The following FBXL13 variants were observed in gnomAD, a reference collection of about 807,000 sequenced individuals.
FBXL13 encodes F-box and leucine rich repeat protein 13.
Under a neutral mutation model 83.6 loss-of-function variants are expected in FBXL13, and 67 were observed. The ratio of observed to expected loss-of-function variants is 0.80; its 90% confidence interval spans 0.66 to 0.98. FBXL13 has a LOEUF of 0.98. Among genes scored for constraint, FBXL13 ranks in the 50% least tolerant of loss-of-function variants. FBXL13 has a pLI of 0.00. For synonymous variants in FBXL13, 272 were observed against 299.5 expected (o/e 0.91, Z 0.95); for missense variants, 822 against 866.5 (o/e 0.95, Z 0.64).
At chr7:103,009,854 T>C (rs1585338725) in intron 6 of FBXL13, among the ~76,000 whole-genome samples, 1 of 152,140 alleles carries the variant, frequency 6.6e-6, no homozygotes, top group East Asian at 1.9e-4. Context: ...GGTCCCACTT[T>C]TGTGTGAACT....
chr7:103,065,296 T>A (rs1237795403), intron 1 of FBXL13, among the ~76,000 whole-genome samples: 1 of 152,254 alleles, frequency 6.6e-6, no homozygotes, highest in Non-Finnish European at 1.5e-5. Flanking sequence ...ATTCTGTGAT[T>A]TTTGTATCAT....
chr7:102,897,470 A>AG, intron 11 of FBXL13, among the ~76,000 whole-genome samples: 1 of 152,248 alleles, frequency 6.6e-6, no homozygotes, highest in East Asian at 1.9e-4. Context: ...TTGCTTGTGT[A>AG]GGGGGAGGGG....
chr7:102,983,807 G>A lies in FBXL13; in HGVS notation c.496-15690C>T, dbSNP rs548489707. On this transcript the variant is annotated intron_variant, in intron 6 of 19. Transcript: ENST00000313221. The stretch of plus-strand genomic sequence containing the variant: ...GATGAGATAAGATAACTGTAAAACT[G>A]GGTCACAGGATGAGATTCTGCATTT... Among the ~76,000 whole-genome samples the A allele has an allele frequency of 2.6e-5, 4 of 152,222 alleles. No homozygotes were observed. In the South Asian group the frequency reaches 6.2e-4, roughly 24 times the overall value.
At chr7:102,880,195 A>T (rs1248132287) in intron 14 of FBXL13, among the ~76,000 whole-genome samples, 1 of 152,224 alleles carries the variant, frequency 6.6e-6, no homozygotes, top group Non-Finnish European at 1.5e-5. Context: ...AATTTTGTCC[A>T]TGCATGATTT....
chr7:103,009,452 C>T (rs1231361026), intron 6 of FBXL13, among the ~76,000 whole-genome samples: 3 of 152,188 alleles, frequency 2.0e-5, no homozygotes, highest in Non-Finnish European at 2.9e-5. Context: ...TGAGAGCCCC[C>T]AGGGGGATTC....
chr7:103,059,929 T>C (rs1192083872), intron 1 of FBXL13, among the ~76,000 whole-genome samples: 4 of 148,630 alleles, frequency 2.7e-5, no homozygotes, highest in Non-Finnish European at 5.9e-5. Flanking sequence ...TAAAGGTTCA[T>C]ACGCTATAGG....
intron 10 of FBXL13, 98 bp downstream of exon 11, chr7:102,926,176 T>C (rs1271070369): frequency 5.4e-6 from 5 of 927,010 alleles, no homozygotes; most frequent in Non-Finnish European, 8.2e-6. Context: ...TGGTGGGGTG[T>C]TGATAAAGGG....
At chr7:102,944,735 A>G (rs1339933254) in intron 8 of FBXL13, 1 of 794,034 alleles carries the variant, frequency 1.3e-6, no homozygotes, top group Non-Finnish European at 1.9e-6. Flanking sequence ...AGCTTTCTTT[A>G]ATTATAAGTA....
chr7:102,854,378 G>T (rs908873915), intron 17 of FBXL13, among the ~76,000 whole-genome samples: 1 of 152,102 alleles, frequency 6.6e-6, no homozygotes, highest in African/African-American at 2.4e-5. Context: ...TTGTGGGGTG[G>T]GGGGAGAGGG....
intron 10 of FBXL13, among the ~76,000 whole-genome samples, chr7:102,917,888 G>A (rs1365045071): frequency 6.6e-6 from 1 of 152,160 alleles, no homozygotes; most frequent in Non-Finnish European, 1.5e-5. Flanking sequence ...GAAACATTTA[G>A]AGGCAACAAA....
chr7:102,891,306 T>A (rs923459386), intron 11 of FBXL13, among the ~76,000 whole-genome samples: 1 of 152,196 alleles, frequency 6.6e-6, no homozygotes, highest in African/African-American at 2.4e-5. Context: ...TACGCACTTC[T>A]TGCTGGTAGT....
At chr7:102,963,826 G>C (rs1825662835) in intron 7 of FBXL13, among the ~76,000 whole-genome samples, 161 bp from the exon 9 acceptor site, 1 of 152,054 alleles carries the variant, frequency 6.6e-6, no homozygotes, top group Non-Finnish European at 1.5e-5. Flanking sequence ...GAATGAGAGA[G>C]ATATTTGCAA....
At chr7:103,030,638 C>T (rs1794413327) in intron 2 of FBXL13, among the ~76,000 whole-genome samples, 1 of 151,724 alleles carries the variant, frequency 6.6e-6, no homozygotes, top group Non-Finnish European at 1.5e-5. Context: ...AATGATATGT[C>T]ATAAAAATAT....
chr7:103,014,696 G>T (rs1792044608), intron 6 of FBXL13, among the ~76,000 whole-genome samples: 1 of 151,982 alleles, frequency 6.6e-6, no homozygotes, highest in South Asian at 2.1e-4. Context: ...GGCCGAGGCG[G>T]GTGGATCATG....
chr7:102,813,031 T>TG (rs1797541262), downstream of FBXL13, among the ~76,000 whole-genome samples: 1 of 151,932 alleles, frequency 6.6e-6, no homozygotes, highest in Non-Finnish European at 1.5e-5. Flanking sequence ...TTAGTAAAGA[T>TG]GGGGTTTCAC....
At chr7:102,926,227 T>C (rs1460933732) in intron 10 of FBXL13, 47 bp downstream of exon 11, 1 of 1,534,636 alleles carries the variant, frequency 6.5e-7, no homozygotes, top group East Asian at 2.3e-5. Flanking sequence ...CCAGAGACTT[T>C]GGGAGCATAA....
intron 8 of FBXL13, among the ~76,000 whole-genome samples, chr7:102,962,688 T>C (rs1203504142): frequency 6.6e-6 from 1 of 151,800 alleles, no homozygotes; most frequent in Non-Finnish European, 1.5e-5. Context: ...TGTAGGGACA[T>C]GGATGAAATT....
intron 6 of FBXL13, among the ~76,000 whole-genome samples, chr7:102,968,397 C>A (rs757049382): frequency 3.9e-5 from 6 of 152,174 alleles, no homozygotes; most frequent in Non-Finnish European, 8.8e-5. Flanking sequence ...GAAAGATAAG[C>A]ATATTTGCTT....
intron 17 of FBXL13, among the ~76,000 whole-genome samples, chr7:102,850,395 T>C (rs1805007019): frequency 6.6e-6 from 1 of 152,218 alleles, no homozygotes; most frequent in African/African-American, 2.4e-5. Context: ...GTCATCACCA[T>C]GGTAGGTTTC....
Sources: allele counts gnomAD v4.1 joint callset (sites outside exome capture counted in the v4.1 genomes callset), GRCh38; gene constraint gnomAD v4.1.1; transcripts MANE v1.5; gene names NCBI Gene and HGNC (gene_info 2026-07-23, HGNC 2026-07-21).